Variants in NOX4 observed in about 807,000 individuals in gnomAD.
NOX4 encodes the protein NADPH oxidase 4.
In NOX4, 69 loss-of-function variants were observed where a neutral mutation model predicts 87.6. The ratio of observed to expected loss-of-function variants is 0.79; its 90% CI spans 0.65 to 0.96. NOX4 has a LOEUF of 0.96. Ranked by LOEUF, NOX4 falls within the 40% of genes least tolerant of loss-of-function variation. The probability of loss-of-function intolerance (pLI) is 0.00; values close to 1 mark genes in which losing one functional copy is unlikely to be tolerated. For missense variants in NOX4, 680 were observed against 681.5 expected, an observed-to-expected ratio of 1.00 and a Z score of 0.02; for synonymous variants, 275 against 238.2, an observed-to-expected ratio of 1.15 and a Z score of -1.42.
chr11:89,451,728 C>G lies in NOX4; in HGVS notation c.264+57G>C. 3 of 1,166,002 alleles carry G rather than the reference C, an allele frequency of 2.6e-6. 1 individual carries two copies. 72.2% of individuals were successfully genotyped at this position (1,166,002 alleles called of 1,614,324 possible). On this transcript the variant is annotated intron_variant, in intron 3 of 17. Transcript: ENST00000263317. ...TATGAAAAGTAAACAAACTAACATG[C>G]GACTGTTACACTTGATTTTTATGCT...
At chr11:89,490,944 T>A in intron 1 of NOX4, 1 of 672,284 alleles carries the variant, frequency 1.5e-6, no homozygotes, top group South Asian at 1.5e-5. Context: ...GAAAATGACC[T>A]CTTCCCTCTT....
At chr11:89,467,909 T>G (rs1210065439) in intron 2 of NOX4, among the ~76,000 whole-genome samples, 1 of 152,204 alleles carries the variant, frequency 6.6e-6, no homozygotes, top group Non-Finnish European at 1.5e-5. Context: ...TAGTTAATCA[T>G]CGCATCAGTA....
intron 4 of NOX4, among the ~76,000 whole-genome samples, chr11:89,448,915 A>G (rs1178108038): frequency 6.6e-6 from 1 of 152,144 alleles, no homozygotes; most frequent in Admixed American, 6.6e-5. Flanking sequence ...TCATGCATTT[A>G]AACTCATATC....
At chr11:89,358,167 C>A (rs1025763554) in intron 12 of NOX4, among the ~76,000 whole-genome samples, 1 of 151,834 alleles carries the variant, frequency 6.6e-6, no homozygotes, top group Non-Finnish European at 1.5e-5. Context: ...TGTGGATCAC[C>A]TGAGTTCAGG....
intron 2 of NOX4, among the ~76,000 whole-genome samples, chr11:89,476,295 T>C (rs966322543): frequency 6.6e-5 from 10 of 152,176 alleles, no homozygotes. Context: ...GTTTTTACTG[T>C]AACTATATAT....
the NOX4 span, among the ~76,000 whole-genome samples, chr11:89,566,214 C>G: frequency 1.5e-4 from 22 of 151,510 alleles, no homozygotes; most frequent in Non-Finnish European, 2.9e-4. Flanking sequence ...AGCTAATTTT[C>G]TGTATTTTTT....
intron 2 of NOX4, among the ~76,000 whole-genome samples, chr11:89,466,127 C>T (rs775045952): frequency 4.6e-5 from 7 of 152,160 alleles, no homozygotes; most frequent in Non-Finnish European, 8.8e-5. Flanking sequence ...TGTAGTCTTG[C>T]ACTTCCCAAG....
the NOX4 span, among the ~76,000 whole-genome samples, chr11:89,573,745 T>C: frequency 3.3e-5 from 5 of 152,170 alleles, no homozygotes; most frequent in East Asian, 9.7e-4. Context: ...TTGGAAGAGA[T>C]CCAAGTGGGC....
intron 17 of NOX4, among the ~76,000 whole-genome samples, chr11:89,332,016 A>G (rs1945496874): frequency 6.6e-6 from 1 of 151,812 alleles, no homozygotes; most frequent in African/African-American, 2.4e-5. Context: ...CCTGTCTACT[A>G]GACCTTTGAT....
In NOX4 at chr11:89,440,678, A is replaced by C. The variant is rs1944417449; in HGVS notation, c.475+10T>G. 3 of 1,543,422 alleles carry C rather than the reference A, an allele frequency of 1.9e-6. No homozygotes were observed. The highest frequency in any genetic ancestry group is 2.6e-6 in the Non-Finnish European group (3 of 1,132,856). On this transcript the variant is annotated intron_variant, in intron 6 of 17. Coordinates refer to ENST00000263317, the MANE Select transcript of NOX4 (RefSeq NM_016931.5). ...TAAACCTAAAGAAAAGGCTAAGAAT[A>C]ACAACTTACCAGTTGTGAAGAGAAG... is the stretch of plus-strand genomic sequence containing the variant.
intron 11 of NOX4, among the ~76,000 whole-genome samples, chr11:89,396,673 T>G (rs1941513605): frequency 6.6e-6 from 1 of 152,032 alleles, no homozygotes; most frequent in Non-Finnish European, 1.5e-5. Flanking sequence ...GCAATCCTAG[T>G]CTCTGATAAA....
chr11:89,517,480 T>G, the NOX4 span, among the ~76,000 whole-genome samples: 1 of 151,984 alleles, frequency 6.6e-6, no homozygotes, highest in Non-Finnish European at 1.5e-5. Flanking sequence ...TATTTATTCA[T>G]TTTTAGAGAC....
chr11:89,343,027 G>T (rs1455456726), intron 13 of NOX4, among the ~76,000 whole-genome samples: 1 of 151,966 alleles, frequency 6.6e-6, no homozygotes, highest in Non-Finnish European at 1.5e-5. Context: ...TTTGGCCACT[G>T]CCCCCTCCTT....
At chr11:89,481,018 G>T (rs1318522466) in intron 2 of NOX4, among the ~76,000 whole-genome samples, 1 of 152,006 alleles carries the variant, frequency 6.6e-6, no homozygotes, top group Admixed American at 6.6e-5. Context: ...CTCTCCAGAG[G>T]ATCAGGGAGG....
chr11:89,370,654 T>C (rs974359918), intron 12 of NOX4, among the ~76,000 whole-genome samples: 3 of 152,062 alleles, frequency 2.0e-5, no homozygotes, highest in East Asian at 3.9e-4. Context: ...ATCCACTCCA[T>C]CTACTGTACT....
chr11:89,470,208 C>T (rs1453121726), intron 2 of NOX4, among the ~76,000 whole-genome samples: 2 of 152,064 alleles, frequency 1.3e-5, no homozygotes, highest in Non-Finnish European at 1.5e-5. Flanking sequence ...TATCATCATC[C>T]TAGTGTCCCT....
chr11:89,397,295 A>C (rs1314035992), intron 11 of NOX4, among the ~76,000 whole-genome samples: 3 of 152,200 alleles, frequency 2.0e-5, no homozygotes, highest in African/African-American at 7.2e-5. Context: ...AATATACCAG[A>C]ATCTCTGGGA....
intron 15 of NOX4, among the ~76,000 whole-genome samples, chr11:89,339,743 C>T (rs986535885): frequency 8.5e-5 from 13 of 152,178 alleles, no homozygotes; most frequent in African/African-American, 2.6e-4. Context: ...CATTGTCTTC[C>T]CTCATCACCT....
At chr11:89,353,104 G>A (rs1937688183) in intron 13 of NOX4, among the ~76,000 whole-genome samples, 1 of 152,120 alleles carries the variant, frequency 6.6e-6, no homozygotes, top group Non-Finnish European at 1.5e-5. Flanking sequence ...CAGGAAGAAA[G>A]TAGTTTTTTT....
Sources: allele counts gnomAD v4.1 joint callset (sites outside exome capture counted in the v4.1 genomes callset), GRCh38; gene constraint gnomAD v4.1.1; transcripts MANE v1.5; gene names NCBI Gene and HGNC (gene_info 2026-07-23, HGNC 2026-07-21).